The following KCNH8 variants were observed in gnomAD, a reference collection of about 807,000 sequenced individuals.
KCNH8 encodes the protein potassium voltage-gated channel subfamily H member 8.
KCNH8 carries 70 observed loss-of-function variants against 103.6 expected under a neutral mutation model. The observed-to-expected ratio is 0.68, with a 90% CI of 0.56 to 0.82. The LOEUF (loss-of-function observed/expected upper bound fraction) is 0.82, where lower values mean the gene tolerates loss of function less well. Among genes scored for constraint, KCNH8 ranks in the 40% least tolerant of loss-of-function variants. KCNH8 has a pLI of 0.00. For synonymous variants in KCNH8, 498 were observed against 489.4 expected, an observed-to-expected ratio of 1.02 and a Z score of -0.23; for missense variants, 1,217 against 1,329.9, an observed-to-expected ratio of 0.92 and a Z score of 1.32.
chr3:19,215,812 A>G (rs1312485641), intron 1 of KCNH8, among the ~76,000 whole-genome samples: 1 of 152,198 alleles, frequency 6.6e-6, no homozygotes, highest in Non-Finnish European at 1.5e-5. Context: ...CCACGTCAGA[A>G]AGGTGATTAC....
chr3:19,533,720 A>G lies in KCNH8; in HGVS notation c.2945A>G (p.Asp982Gly), dbSNP rs766712752. 1.2e-6 allele frequency: 2 copies of G among 1,614,176 alleles called. No homozygotes were observed. Among genetic ancestry groups the G allele is most frequent in the East Asian group, 4.5e-5 (2 of 44,878 alleles). Residue 982 changes from aspartate (D) to glycine (G), a missense_variant, in exon 16 of 16, where the codon GAC becomes GGC. Around this residue, in one of 3 missense-constraint regions of KCNH8, gnomAD observed 558 missense variants for 495.8 expected, o/e 1.13. Coordinates refer to ENST00000328405, the MANE Select transcript of KCNH8 (RefSeq NM_144633.3). ...GGAGCTCATGAGCAAAATCCTGCAG[A>G]CAGTGAACTTTATCATTCTCCAAGC... ...RTGAHEQNPADSELYHSPSLD... is the reference protein window; with the variant it reads ...RTGAHEQNPAGSELYHSPSLD...
Position 19,347,819 on chromosome 3 carries a change from C to A in KCNH8, c.665C>A (p.Ala222Asp), listed in dbSNP as rs767094048. 2 of 1,613,250 alleles carry A rather than the reference C, an allele frequency of 1.2e-6. No homozygotes were observed. The highest frequency in any genetic ancestry group is 1.6e-4 in the Middle Eastern group (1 of 6,080). The change falls in exon 5 of 16, where the codon GCT (alanine) becomes GAT (aspartate). Residue 222 changes from alanine to aspartate, a missense_variant. Ala to Asp is a moderately radical substitution (Grantham distance 126). This residue lies in a region of KCNH8 where 415 missense variants were observed against 577.4 expected (regional missense o/e 0.72). Transcript: ENST00000328405. The stretch of plus-strand genomic sequence containing the variant: ...CTTCTGCATTTTAGCACTTTTAAAG[C>A]TGGCTGGGACTGGCTTATTTTGTTG... ...FILLHFSTFK[A>D]GWDWLILLAT...
intron 5 of KCNH8, among the ~76,000 whole-genome samples, chr3:19,358,886 A>G (rs2065913496): frequency 6.6e-6 from 1 of 151,854 alleles, no homozygotes. Context: ...AAAAATATTA[A>G]TGGACCCAGT....
chr3:19,457,624 A>G (rs1489386821), intron 11 of KCNH8, among the ~76,000 whole-genome samples: 1 of 152,016 alleles, frequency 6.6e-6, no homozygotes, highest in East Asian at 1.9e-4. Flanking sequence ...TCAGAGAGAG[A>G]CATGATTTAA....
chr3:19,347,904 C>G lies in KCNH8; in HGVS notation c.750C>G (p.Asp250Glu). 6.2e-7 allele frequency: 1 copy of G among 1,613,308 alleles called. No homozygotes were observed. The highest frequency in any genetic ancestry group is 8.5e-7 in the Non-Finnish European group (1 of 1,179,468). The change falls in exon 5 of 16, where the codon GAC (aspartate) becomes GAG (glutamate). Residue 250 changes from aspartate (D) to glutamate (E), a missense_variant. By Grantham distance (45) the Asp-to-Glu change is conservative. Transcript: ENST00000328405. Reference sequence around the variant, plus strand: ...ACGTTTGCTTTATTGGCAATGACGACCTGTCCACAACTCGGAGCACAACCG... The same window carrying G: ...ACGTTTGCTTTATTGGCAATGACGAGCTGTCCACAACTCGGAGCACAACCG... ...PYNVCFIGNDDLSTTRSTTVS... is the reference protein window; with the variant it reads ...PYNVCFIGNDELSTTRSTTVS...
intron 1 of KCNH8, among the ~76,000 whole-genome samples, chr3:19,202,880 C>T (rs2063677950): frequency 6.6e-6 from 1 of 152,026 alleles, no homozygotes; most frequent in African/African-American, 2.4e-5. Flanking sequence ...AGTTTGTTGA[C>T]ATTTACCACC....
chr3:19,327,240 A>G (rs924070953), intron 3 of KCNH8, among the ~76,000 whole-genome samples: 3 of 152,194 alleles, frequency 2.0e-5, no homozygotes, highest in Non-Finnish European at 4.4e-5. Flanking sequence ...TGGTAGGAAG[A>G]AAAGCATATA....
intron 11 of KCNH8, among the ~76,000 whole-genome samples, chr3:19,502,901 G>A (rs1202610383): frequency 6.6e-6 from 1 of 151,906 alleles, no homozygotes; most frequent in South Asian, 2.1e-4. Context: ...CAAAAGCAAT[G>A]GCAACAAAAG....
chr3:19,291,829 T>C (rs2064931796), intron 3 of KCNH8, among the ~76,000 whole-genome samples: 1 of 152,076 alleles, frequency 6.6e-6, no homozygotes, highest in Non-Finnish European at 1.5e-5. Context: ...GATTCTGTTA[T>C]CTTGTCATTC....
At chr3:19,276,518 C>T (rs1396040430) in intron 2 of KCNH8, among the ~76,000 whole-genome samples, 2 of 152,046 alleles carry the variant, frequency 1.3e-5, no homozygotes, top group African/African-American at 4.8e-5. Context: ...CTCACTTTGA[C>T]CTATTGTGTT....
intron 4 of KCNH8, among the ~76,000 whole-genome samples, chr3:19,342,948 T>C (rs1482624341): frequency 6.6e-6 from 1 of 152,132 alleles, no homozygotes; most frequent in African/African-American, 2.4e-5. Context: ...AGAATATTAT[T>C]GCAGTGAAGT....
At chr3:19,308,332 T>G (rs1200301357) in intron 3 of KCNH8, among the ~76,000 whole-genome samples, 1 of 151,490 alleles carries the variant, frequency 6.6e-6, no homozygotes, top group Non-Finnish European at 1.5e-5. Context: ...TGGCCTACTA[T>G]CAGTAGACCT....
intron 1 of KCNH8, among the ~76,000 whole-genome samples, chr3:19,245,151 GT>G (rs1402859690): frequency 6.6e-6 from 1 of 152,092 alleles, no homozygotes; most frequent in Non-Finnish European, 1.5e-5. Flanking sequence ...ACTGGTAGGG[GT>G]ACAATTTCTT....
In KCNH8 at chr3:19,456,914, G is replaced by A; in HGVS notation, c.1972G>A (p.Ala658Thr). The A allele has an allele frequency of 1.2e-6, 2 of 1,612,504 alleles. No individual in the cohort carries two copies. Among genetic ancestry groups the A allele is most frequent in the African/African-American group, 2.7e-5 (2 of 74,886 alleles). Reference protein sequence around the residue: ...FEVLDLYPEYAHKFVEDIQHD... With the variant: ...FEVLDLYPEYTHKFVEDIQHD... The stretch of plus-strand genomic sequence containing the variant: ...AGTGCTAGACCTTTACCCAGAATAT[G>A]CTCACAAATTCGTGGAAGACATTCA... Residue 658 changes from alanine to threonine, a missense_variant, in exon 11 of 16, where the codon GCT (alanine) becomes ACT (threonine). Physicochemically the swap from Ala to Thr is moderately conservative, Grantham distance 58. Around this residue, in one of 3 missense-constraint regions of KCNH8, gnomAD observed 415 missense variants for 577.4 expected, o/e 0.72. Coordinates refer to ENST00000328405, the MANE Select transcript of KCNH8 (RefSeq NM_144633.3).
chr3:19,342,885 G>A (rs2065680429), intron 4 of KCNH8, among the ~76,000 whole-genome samples, 171 bp downstream of exon 4: 1 of 151,950 alleles, frequency 6.6e-6, no homozygotes, highest in South Asian at 2.1e-4. Context: ...GCAGTCATGA[G>A]GCATTTCTAT....
intron 12 of KCNH8, among the ~76,000 whole-genome samples, chr3:19,510,690 T>G (rs2068768893): frequency 6.6e-6 from 1 of 152,224 alleles, no homozygotes; most frequent in Non-Finnish European, 1.5e-5. Context: ...TTCATTGCAT[T>G]TAAAATTGGC....
chr3:19,418,827 C>T (rs1484412319), intron 7 of KCNH8, among the ~76,000 whole-genome samples: 1 of 152,204 alleles, frequency 6.6e-6, no homozygotes, highest in South Asian at 2.1e-4. Context: ...TCCAGCTGCA[C>T]ATTCTTATGA....
chr3:19,170,149 C>A (rs961934062), intron 1 of KCNH8, among the ~76,000 whole-genome samples: 2 of 152,128 alleles, frequency 1.3e-5, no homozygotes, highest in Non-Finnish European at 2.9e-5. Context: ...TGGCATCATT[C>A]ACATTTTACA....
chr3:19,163,551 A>G (rs2063254368), intron 1 of KCNH8, among the ~76,000 whole-genome samples: 1 of 152,128 alleles, frequency 6.6e-6, no homozygotes, highest in African/African-American at 2.4e-5. Flanking sequence ...CAAATTTCCA[A>G]AAAGTAGACT....
Sources: gnomAD v4.1 joint callset for allele counts (sites outside exome capture counted in the v4.1 genomes callset) on GRCh38, gnomAD v4.1.1 for gene constraint, gnomAD v4.1.1 regional missense constraint, MANE v1.5 for transcripts, NCBI Gene and HGNC (gene_info 2026-07-23, HGNC 2026-07-21) for gene names.